The following LRRC3B variants were observed in gnomAD, a reference collection of about 807,000 sequenced individuals.
LRRC3B encodes leucine-rich repeat-containing protein 3B.
A neutral mutation model predicts 12.8 loss-of-function variants in LRRC3B; 2 were observed. The observed-to-expected ratio is 0.16, with a 90% CI of 0.06 to 0.49. LRRC3B has a LOEUF of 0.49. LRRC3B is among the 20% of genes least tolerant of loss of function. The probability of loss-of-function intolerance (pLI) is 0.96; values close to 1 mark genes in which losing one functional copy is unlikely to be tolerated. For missense variants in LRRC3B, 189 were observed against 319.4 expected (o/e 0.59, Z 3.11); for synonymous variants, 132 against 122.0 (o/e 1.08, Z -0.54).
intron 1 of LRRC3B, among the ~76,000 whole-genome samples, chr3:26,640,625 A>T (rs1168272325): frequency 6.6e-6 from 1 of 152,162 alleles, no homozygotes; most frequent in Non-Finnish European, 1.5e-5. Context: ...AAAATATGGG[A>T]CTGGGATACA....
intron 1 of LRRC3B, among the ~76,000 whole-genome samples, chr3:26,636,839 TG>T (rs1698887075): frequency 1.8e-5 from 1 of 54,908 alleles, no homozygotes; most frequent in African/African-American, 8.4e-5. Flanking sequence ...CCTCCCTCCC[TG>T]CCTCCCTCCC....
intron 1 of LRRC3B, among the ~76,000 whole-genome samples, chr3:26,640,139 C>T (rs1273216436): frequency 2.0e-5 from 3 of 152,228 alleles, no homozygotes; most frequent in East Asian, 1.9e-4. Context: ...TTAAGTTTCT[C>T]TTACTCCCTT....
intron 1 of LRRC3B, chr3:26,625,299 G>T (rs1033040088): frequency 2.0e-5 from 3 of 152,398 alleles, no homozygotes; most frequent in Non-Finnish European, 4.4e-5. Flanking sequence ...GGGCTCCCGG[G>T]AGAAATCCCG....
intron 1 of LRRC3B, among the ~76,000 whole-genome samples, chr3:26,685,871 A>G (rs1356928914): frequency 2.0e-5 from 3 of 152,000 alleles, no homozygotes; most frequent in Non-Finnish European, 4.4e-5. Flanking sequence ...TGCTCCATCA[A>G]TAGCTTAGTC....
At chr3:26,697,044 T>G (rs1700334645) in intron 1 of LRRC3B, among the ~76,000 whole-genome samples, 1 of 152,190 alleles carries the variant, frequency 6.6e-6, no homozygotes, top group Non-Finnish European at 1.5e-5. Context: ...GCCAGGTACT[T>G]AGTTGCAGCA....
chr3:26,685,517 C>A (rs1243082647), intron 1 of LRRC3B, among the ~76,000 whole-genome samples: 116 of 53,406 alleles, frequency 2.2e-3, no homozygotes, highest in Admixed American at 7.3e-3. Context: ...CTCTCTCTCT[C>A]TCTCTCTATA....
At chr3:26,656,563 G>A (rs1559356997) in intron 1 of LRRC3B, among the ~76,000 whole-genome samples, 1 of 152,156 alleles carries the variant, frequency 6.6e-6, no homozygotes, top group Non-Finnish European at 1.5e-5. Flanking sequence ...CCATTCCACT[G>A]GCCAGAATTC....
intron 1 of LRRC3B, among the ~76,000 whole-genome samples, chr3:26,677,001 G>C (rs1304806891): frequency 6.6e-6 from 1 of 152,062 alleles, no homozygotes; most frequent in African/African-American, 2.4e-5. Flanking sequence ...GGTTGGGCAA[G>C]GTGTCATGGT....
At chr3:26,654,878 A>G (rs145990718) in intron 1 of LRRC3B, among the ~76,000 whole-genome samples, 4 of 152,326 alleles carry the variant, frequency 2.6e-5, no homozygotes, top group African/African-American at 9.6e-5. Flanking sequence ...AGCCTGTGTC[A>G]TATTAGTGGG....
At chr3:26,663,160 CT>C (rs1468509440) in intron 1 of LRRC3B, among the ~76,000 whole-genome samples, 1 of 152,036 alleles carries the variant, frequency 6.6e-6, no homozygotes, top group East Asian at 1.9e-4. Context: ...TAGGTTTCTC[CT>C]TTTTTTGTAG....
intron 1 of LRRC3B, among the ~76,000 whole-genome samples, chr3:26,686,794 G>A (rs1301373268): frequency 6.6e-6 from 1 of 151,896 alleles, no homozygotes. Context: ...AGAAGGAGAA[G>A]ATAAGCTGTG....
At chr3:26,639,384 T>C (rs1213798289) in intron 1 of LRRC3B, among the ~76,000 whole-genome samples, 1 of 152,082 alleles carries the variant, frequency 6.6e-6, no homozygotes, top group Admixed American at 6.5e-5. Context: ...GACCTATATT[T>C]AGAGTTGATA....
chr3:26,631,840 C>T (rs1282180156), intron 1 of LRRC3B, among the ~76,000 whole-genome samples: 1 of 151,214 alleles, frequency 6.6e-6, no homozygotes. Context: ...CTCTACTTCC[C>T]CCGTAAGAGG....
intron 1 of LRRC3B, among the ~76,000 whole-genome samples, chr3:26,680,355 C>A (rs564575860): frequency 5.3e-5 from 8 of 152,206 alleles, no homozygotes; most frequent in Non-Finnish European, 7.4e-5. Flanking sequence ...GAATATTTGT[C>A]TCATTAATCT....
At position 26,709,387 on chromosome 3, in the gene LRRC3B, G is replaced by A. The variant is rs746702034; in HGVS notation, c.-160-126G>A. ...TTCGCAGATAACTCCCAGTGGCATT[G>A]ATGGAAATTACCTGCATAACTAACC... On this transcript the variant is annotated intron_variant, in intron 1 of 1. Transcript: ENST00000396641. 199 of 422,606 alleles carry A rather than the reference G, an allele frequency of 4.7e-4. 1 individual carries two copies. The highest frequency in any genetic ancestry group is 1.2e-4 in the Non-Finnish European group (27 of 234,540). The allele number at this position is 422,606 out of a possible 1,614,324, so 26.2% of individuals were successfully genotyped here.
exon 2 of LRRC3B, chr3:26,710,107 C>T (rs1700712743): frequency 1.2e-6 from 2 of 1,614,086 alleles, no homozygotes; most frequent in Non-Finnish European, 1.7e-6. Context: ...TTGCCAACAA[C>T]CCCTGGCACT....
At chr3:26,708,397 A>T (rs539207317) in intron 1 of LRRC3B, among the ~76,000 whole-genome samples, 1 of 152,342 alleles carries the variant, frequency 6.6e-6, no homozygotes, top group South Asian at 2.1e-4. Flanking sequence ...TATAGAGTAG[A>T]TGAGACTGGA....
chr3:26,675,522 T>A (rs1699839458), intron 1 of LRRC3B, among the ~76,000 whole-genome samples: 1 of 152,226 alleles, frequency 6.6e-6, no homozygotes, highest in Non-Finnish European at 1.5e-5. Flanking sequence ...TATTCCAAGC[T>A]GTGTGAAGAA....
At chr3:26,676,102 C>G (rs1337630751) in intron 1 of LRRC3B, among the ~76,000 whole-genome samples, 1 of 151,208 alleles carries the variant, frequency 6.6e-6, no homozygotes, top group African/African-American at 2.4e-5. Flanking sequence ...ATTATTAATA[C>G]TTAAAGTTTT....
Sources: allele counts gnomAD v4.1 joint callset (sites outside exome capture counted in the v4.1 genomes callset), GRCh38; gene constraint gnomAD v4.1.1; transcripts MANE v1.5; gene names NCBI Gene and HGNC (gene_info 2026-07-23, HGNC 2026-07-21).